The following CSMD1 variants were observed in gnomAD, a reference collection of about 807,000 sequenced individuals.
The protein encoded by CSMD1 is CUB and sushi domain-containing protein 1.
CSMD1 carries 213 observed loss-of-function variants against 417.5 expected under a neutral mutation model. The observed-to-expected ratio is 0.51, with a 90% CI of 0.46 to 0.57. CSMD1 has a LOEUF of 0.57. Among genes scored for constraint, CSMD1 ranks in the 20% least tolerant of loss-of-function variants. The pLI is 0.00. For synonymous variants in CSMD1, 2,862 were observed against 1,736.8 expected, an observed-to-expected ratio of 1.65 and a Z score of -16.11; for missense variants, 6,923 against 4,529.7, an observed-to-expected ratio of 1.53 and a Z score of -15.17.
intron 3 of CSMD1, among the ~76,000 whole-genome samples, chr8:4,115,238 C>A (rs1250136875): frequency 6.6e-6 from 1 of 152,314 alleles, no homozygotes; most frequent in African/African-American, 2.4e-5. Flanking sequence ...GAGGCAAGAG[C>A]TTCCAGTAGC....
At chr8:3,501,217 T>C (rs1053028856) in intron 10 of CSMD1, among the ~76,000 whole-genome samples, 4 of 152,196 alleles carry the variant, frequency 2.6e-5, no homozygotes, top group African/African-American at 9.7e-5. Context: ...CTATGATCTT[T>C]GCCTCTGTGC....
chr8:4,130,752 G>C (rs1159486709), intron 3 of CSMD1, among the ~76,000 whole-genome samples: 1 of 151,940 alleles, frequency 6.6e-6, no homozygotes, highest in Non-Finnish European at 1.5e-5. Flanking sequence ...GGAAGATTTT[G>C]AGGTGGTTAA....
intron 3 of CSMD1, among the ~76,000 whole-genome samples, chr8:4,261,909 A>C (rs1311123878): frequency 6.6e-6 from 1 of 152,230 alleles, no homozygotes; most frequent in Non-Finnish European, 1.5e-5. Context: ...ACTTAATCCA[A>C]ATATAAATAA....
intron 1 of CSMD1, among the ~76,000 whole-genome samples, chr8:4,766,675 G>A (rs959871469): frequency 9.2e-5 from 14 of 152,196 alleles, no homozygotes; most frequent in Admixed American, 6.5e-5. Context: ...GCCCATGGTG[G>A]CTCCTGAGGG....
At position 3,237,750 on chromosome 8, in the gene CSMD1, CT is replaced by C. The variant is rs1563171662; in HGVS notation, c.4154-7520del. Among the ~76,000 whole-genome samples, 404 of 124,670 alleles carry C rather than the reference CT, an allele frequency of 3.2e-3. 8 individuals carry two copies. Among genetic ancestry groups the C allele is most frequent in the Admixed American group, 7.5e-3 (88 of 11,812 alleles). The allele number at this position is 124,670 out of a possible 152,430, so 81.8% of individuals were successfully genotyped here. On this transcript the variant is annotated intron_variant, in intron 26 of 69. Transcript: ENST00000635120. ...TACAAATATAATTTTTATAATTATA[CT>C]TATACTACAAATATAATTTTTATAA...
chr8:3,806,779 T>G (rs148799689), intron 5 of CSMD1, among the ~76,000 whole-genome samples: 2 of 152,338 alleles, frequency 1.3e-5, no homozygotes, highest in Non-Finnish European at 2.9e-5. Context: ...GTTAGTTGTT[T>G]TAGCTACTAA....
intron 2 of CSMD1, among the ~76,000 whole-genome samples, chr8:4,531,231 T>TG (rs1401380945): frequency 6.6e-6 from 1 of 152,220 alleles, no homozygotes; most frequent in Non-Finnish European, 1.5e-5. Flanking sequence ...TTAGCCACAC[T>TG]GATAGATGAT....
chr8:3,848,383 A>C (rs1028817529), intron 5 of CSMD1, among the ~76,000 whole-genome samples: 21 of 152,166 alleles, frequency 1.4e-4, no homozygotes, highest in Admixed American at 8.5e-4. Flanking sequence ...TTTTTTTCTC[A>C]GCCTTCTCTA....
chr8:3,951,234 C>T (rs965388712), intron 5 of CSMD1, among the ~76,000 whole-genome samples: 2 of 152,146 alleles, frequency 1.3e-5, no homozygotes, highest in African/African-American at 2.4e-5. Context: ...CAGGCGGGCA[C>T]GGGTCTGACG....
intron 6 of CSMD1, among the ~76,000 whole-genome samples, chr8:3,745,390 G>C (rs1048700931): frequency 7.9e-5 from 12 of 152,246 alleles, no homozygotes; most frequent in African/African-American, 2.4e-4. Context: ...GGAACCCTCT[G>C]AGACATTTCT....
chr8:4,740,902 A>G (rs1356885367), intron 1 of CSMD1, among the ~76,000 whole-genome samples: 1 of 152,228 alleles, frequency 6.6e-6, no homozygotes, highest in Admixed American at 6.5e-5. Flanking sequence ...ACAACAGCTA[A>G]CTTTCCTGAC....
intron 2 of CSMD1, among the ~76,000 whole-genome samples, chr8:4,423,480 A>G (rs1797366106): frequency 6.6e-6 from 1 of 152,098 alleles, no homozygotes; most frequent in African/African-American, 2.4e-5. Context: ...AAGCTTCTGT[A>G]TAAATACAAT....
intron 10 of CSMD1, among the ~76,000 whole-genome samples, chr8:3,502,113 C>G (rs1263047094): frequency 9.2e-5 from 14 of 151,888 alleles, no homozygotes; most frequent in Non-Finnish European, 1.5e-5. Context: ...CACACAAATC[C>G]CAGCACTTTG....
chr8:3,729,993 T>C (rs898331756), intron 6 of CSMD1, among the ~76,000 whole-genome samples: 1 of 129,720 alleles, frequency 7.7e-6, no homozygotes, highest in Non-Finnish European at 1.6e-5. Context: ...ATAATAATGT[T>C]TCAAAAAGTT....
intron 2 of CSMD1, among the ~76,000 whole-genome samples, chr8:4,433,519 A>T (rs1797986437): frequency 6.6e-6 from 1 of 152,134 alleles, no homozygotes; most frequent in Admixed American, 6.5e-5. Context: ...AGGCAGCCCC[A>T]GATCCCCCTG....
At chr8:4,587,447 G>A (rs1046658249) in intron 2 of CSMD1, among the ~76,000 whole-genome samples, 11 of 151,054 alleles carry the variant, frequency 7.3e-5, no homozygotes, top group Non-Finnish European at 1.2e-4. Context: ...ATATGTATAT[G>A]TACATATATA....
At chr8:3,602,139 C>T (rs1332135155) in intron 8 of CSMD1, among the ~76,000 whole-genome samples, 1 of 152,140 alleles carries the variant, frequency 6.6e-6, no homozygotes, top group African/African-American at 2.4e-5. Context: ...GGTCAGGATG[C>T]TAAATTCTAT....
At chr8:4,536,893 C>T (rs1416212596) in intron 2 of CSMD1, among the ~76,000 whole-genome samples, 1 of 152,166 alleles carries the variant, frequency 6.6e-6, no homozygotes, top group Non-Finnish European at 1.5e-5. Context: ...TTTCTCCAGA[C>T]TCTCAGGGAG....
At chr8:4,382,969 A>G (rs1002808596) in intron 3 of CSMD1, among the ~76,000 whole-genome samples, 2 of 152,218 alleles carry the variant, frequency 1.3e-5, no homozygotes, top group African/African-American at 4.8e-5. Context: ...GGGGATGACA[A>G]AGAACTGAGA....
Sources: gnomAD v4.1 joint callset for allele counts (sites outside exome capture counted in the v4.1 genomes callset) on GRCh38, gnomAD v4.1.1 for gene constraint, MANE v1.5 for transcripts, NCBI Gene and HGNC (gene_info 2026-07-23, HGNC 2026-07-21) for gene names.